ZNF475: variants seen among roughly 807,000 people sequenced by gnomAD.
The protein encoded by ZNF475 is zinc finger protein 475.
chr5:122,174,500 T>C, the ZNF475 span, among the ~76,000 whole-genome samples: 1 of 152,190 alleles, frequency 6.6e-6, no homozygotes, highest in Non-Finnish European at 1.5e-5. Flanking sequence ...CCTAAGAATA[T>C]GGAGTATATT....
the ZNF475 span, among the ~76,000 whole-genome samples, chr5:122,166,127 GTA>G: frequency 3.1e-4 from 47 of 152,142 alleles, 1 homozygote; most frequent in African/African-American, 1.1e-3. Context: ...GAAAATAATT[GTA>G]GGCTGGAGGG....
the ZNF475 span, chr5:122,182,534 G>A: frequency 1.3e-6 from 2 of 1,533,386 alleles, no homozygotes; most frequent in South Asian, 2.4e-5. Flanking sequence ...AAGCTGCTTG[G>A]ACAAGTGCCC....
the ZNF475 span, chr5:122,179,414 T>A: frequency 2.5e-6 from 1 of 392,762 alleles, no homozygotes; most frequent in African/African-American, 2.1e-5. Flanking sequence ...CTCTCTTATT[T>A]CCTTGGGTAG....
At chr5:122,179,136 G>C in the ZNF475 span, among the ~76,000 whole-genome samples, 1 of 152,134 alleles carries the variant, frequency 6.6e-6, no homozygotes, top group Non-Finnish European at 1.5e-5. Flanking sequence ...TTTGGTTACT[G>C]TAGTCTTGTA....
chr5:122,164,032 C>T, the ZNF475 span, among the ~76,000 whole-genome samples: 1 of 152,062 alleles, frequency 6.6e-6, no homozygotes, highest in Non-Finnish European at 1.5e-5. Context: ...CTCAGTCTTT[C>T]GAGTGAAAAC....
the ZNF475 span, chr5:122,182,578 G>A: frequency 1.0e-5 from 16 of 1,535,328 alleles, no homozygotes; most frequent in African/African-American, 1.4e-5. Context: ...GTTTGTGGGC[G>A]TACCTTCCTG....
the ZNF475 span, among the ~76,000 whole-genome samples, chr5:122,181,956 A>G: frequency 6.6e-6 from 1 of 152,210 alleles, no homozygotes; most frequent in Non-Finnish European, 1.5e-5. Context: ...GTTTATGACC[A>G]TGAAGAGATG....
chr5:122,172,755 C>T, the ZNF475 span, among the ~76,000 whole-genome samples: 31 of 152,194 alleles, frequency 2.0e-4, no homozygotes, highest in African/African-American at 7.5e-4. Context: ...AAATGTGGGC[C>T]GGGCGCGGTG....
chr5:122,181,827 T>C, the ZNF475 span, among the ~76,000 whole-genome samples: 9 of 152,228 alleles, frequency 5.9e-5, no homozygotes, highest in African/African-American at 2.2e-4. Context: ...TTTCTCCCTA[T>C]GCTCTGCCAA....
At chr5:122,160,637 C>T in the ZNF475 span, among the ~76,000 whole-genome samples, 1 of 152,092 alleles carries the variant, frequency 6.6e-6, no homozygotes, top group African/African-American at 2.4e-5. Flanking sequence ...TTCTGCTTCT[C>T]TAGAAAGAAA....
chr5:122,160,339 T>C, the ZNF475 span: 2 of 1,131,466 alleles, frequency 1.8e-6, no homozygotes, highest in Admixed American at 2.3e-5. Flanking sequence ...GTATTACATG[T>C]GTGGAATATG....
chr5:122,167,343 T>C, the ZNF475 span, among the ~76,000 whole-genome samples: 2 of 152,050 alleles, frequency 1.3e-5, no homozygotes, highest in Admixed American at 6.6e-5. Context: ...AAATTTAATG[T>C]CCTGAAAAAA....
the ZNF475 span, among the ~76,000 whole-genome samples, chr5:122,171,189 T>C: frequency 3.9e-5 from 6 of 152,162 alleles, no homozygotes; most frequent in African/African-American, 1.4e-4. Flanking sequence ...GAAAATAATT[T>C]AGTCTGCATT....
At chr5:122,167,293 T>C in the ZNF475 span, among the ~76,000 whole-genome samples, 7 of 152,194 alleles carry the variant, frequency 4.6e-5, no homozygotes, top group Non-Finnish European at 1.0e-4. Context: ...TGAAATCTTA[T>C]GTAAATGGGG....
At chr5:122,178,179 A>G in the ZNF475 span, among the ~76,000 whole-genome samples, 2 of 152,204 alleles carry the variant, frequency 1.3e-5, no homozygotes, top group African/African-American at 2.4e-5. Flanking sequence ...AGTCTTTGCT[A>G]TTGTGAACTG....
At chr5:122,164,010 C>G in the ZNF475 span, among the ~76,000 whole-genome samples, 7 of 151,778 alleles carry the variant, frequency 4.6e-5, 1 homozygote, top group East Asian at 1.4e-3. Flanking sequence ...GTTTTAATTC[C>G]TCAGTCAATG....
chr5:122,171,955 G>T, the ZNF475 span, among the ~76,000 whole-genome samples: 2 of 152,036 alleles, frequency 1.3e-5, no homozygotes, highest in Admixed American at 1.3e-4. Flanking sequence ...CTCAGGCTCA[G>T]GCTGGTCTCA....
At chr5:122,164,478 A>T in the ZNF475 span, among the ~76,000 whole-genome samples, 1 of 152,162 alleles carries the variant, frequency 6.6e-6, no homozygotes, top group Admixed American at 6.5e-5. Flanking sequence ...GTAAAGACCT[A>T]TGCCTGGGCC....
chr5:122,171,774 T>C, the ZNF475 span, among the ~76,000 whole-genome samples: 2 of 151,884 alleles, frequency 1.3e-5, no homozygotes, highest in Non-Finnish European at 2.9e-5. Context: ...GGTCTCACAC[T>C]GGTGCTCACA....
Sources: gnomAD v4.1 joint callset for allele counts (sites outside exome capture counted in the v4.1 genomes callset) on GRCh38, gnomAD v4.1.1 for gene constraint, MANE v1.5 for transcripts, NCBI Gene and HGNC (gene_info 2026-07-23, HGNC 2026-07-21) for gene names.